SPECC1: variants seen among roughly 807,000 people sequenced by gnomAD.
SPECC1 encodes cytospin-B.
Under a neutral mutation model 104.1 loss-of-function variants are expected in SPECC1, and 62 were observed. The ratio of observed to expected loss-of-function variants is 0.60; its 90% CI spans 0.49 to 0.74. The LOEUF is 0.74. Ranked by LOEUF, SPECC1 falls within the 30% of genes least tolerant of loss-of-function variation. The pLI, the probability that SPECC1 is intolerant of heterozygous loss-of-function variation, is 0.00. For synonymous variants in SPECC1, 513 were observed against 501.6 expected, an observed-to-expected ratio of 1.02 and a Z score of -0.30; for missense variants, 1,306 against 1,310.5, an observed-to-expected ratio of 1.00 and a Z score of 0.05.
At chr17:20,278,649 A>G (rs2040654347) in intron 12 of SPECC1, among the ~76,000 whole-genome samples, 1 of 151,688 alleles carries the variant, frequency 6.6e-6, no homozygotes, top group African/African-American at 2.4e-5. Context: ...GGCTGCAGTG[A>G]GCTATGATTG....
intron 1 of SPECC1, among the ~76,000 whole-genome samples, chr17:20,015,421 C>T (rs926122222): frequency 2.6e-5 from 4 of 151,536 alleles, no homozygotes; most frequent in Admixed American, 6.6e-5. Flanking sequence ...CTGTGCCCAG[C>T]GGAAATGCTC....
chr17:20,181,549 A>G (rs916915162), intron 3 of SPECC1, among the ~76,000 whole-genome samples: 3 of 152,180 alleles, frequency 2.0e-5, no homozygotes, highest in Admixed American at 6.5e-5. Context: ...TCTAGAAAAA[A>G]TATAAAACCT....
At chr17:20,151,134 C>T (rs1174809971) in intron 3 of SPECC1, among the ~76,000 whole-genome samples, 3 of 152,164 alleles carry the variant, frequency 2.0e-5, no homozygotes, top group Admixed American at 6.5e-5. Flanking sequence ...TATAGAAATA[C>T]AGTAATTTAG....
intron 1 of SPECC1, among the ~76,000 whole-genome samples, chr17:20,090,972 C>T (rs921129063): frequency 6.6e-6 from 1 of 152,198 alleles, no homozygotes; most frequent in Non-Finnish European, 1.5e-5. Flanking sequence ...GGGTCTTCAC[C>T]TTCTGGCAGG....
Position 20,297,884 on chromosome 17 carries a change from C to T in SPECC1, c.3057+807C>T, listed in dbSNP as rs144472754. On this transcript the variant is annotated intron_variant, in intron 13 of 14. Coordinates refer to ENST00000395527, the MANE Select transcript of SPECC1 (RefSeq NM_001243439.2). ...ATAAGAAAACAGGCAACAATAGAGACGTTCTATGCCCTCATGAGCTAGACA... is the reference window on the plus strand; with the variant it reads ...ATAAGAAAACAGGCAACAATAGAGATGTTCTATGCCCTCATGAGCTAGACA... Among the ~76,000 whole-genome samples, 38 of 152,304 alleles carry T rather than the reference C, an allele frequency of 2.5e-4. No homozygotes were observed. In the East Asian group the frequency reaches 4.6e-3, roughly 19 times the overall value.
At chr17:20,207,975 A>G (rs2036893159) in intron 4 of SPECC1, among the ~76,000 whole-genome samples, 1 of 151,958 alleles carries the variant, frequency 6.6e-6, no homozygotes, top group African/African-American at 2.4e-5. Flanking sequence ...TTCTTTGTTC[A>G]TTTAACTTTT....
chr17:20,267,140 A>G (rs1489471647), intron 12 of SPECC1, among the ~76,000 whole-genome samples: 1 of 152,022 alleles, frequency 6.6e-6, no homozygotes, highest in African/African-American at 2.4e-5. Context: ...TGGCGCTCCT[A>G]GGAGGCCCTT....
chr17:20,069,851 A>G (rs148107895), intron 1 of SPECC1, among the ~76,000 whole-genome samples: 211 of 152,148 alleles, frequency 1.4e-3, no homozygotes, highest in African/African-American at 4.1e-3. Context: ...ATAGTTAAAC[A>G]TAAATATTTT....
intron 1 of SPECC1, among the ~76,000 whole-genome samples, chr17:20,055,471 A>G (rs1230899401): frequency 6.6e-6 from 1 of 152,104 alleles, no homozygotes; most frequent in Non-Finnish European, 1.5e-5. Flanking sequence ...CATCCTCACC[A>G]ATACTTGCTG....
At chr17:20,266,904 C>G (rs1210588686) in intron 12 of SPECC1, among the ~76,000 whole-genome samples, 1 of 152,062 alleles carries the variant, frequency 6.6e-6, no homozygotes, top group Non-Finnish European at 1.5e-5. Flanking sequence ...TGTGGAGGGT[C>G]AGAGTAAGGA....
chr17:20,095,656 A>G (rs2047611518), intron 1 of SPECC1: 1 of 152,244 alleles, frequency 6.6e-6, no homozygotes, highest in African/African-American at 2.4e-5. Flanking sequence ...CCCCGGGGGC[A>G]GTTAGTGAGA....
intron 5 of SPECC1, among the ~76,000 whole-genome samples, chr17:20,230,605 G>C (rs2038512451): frequency 6.6e-6 from 1 of 152,214 alleles, no homozygotes; most frequent in South Asian, 2.1e-4. Context: ...AAGAAAACCA[G>C]TGTATAATTA....
intron 10 of SPECC1, among the ~76,000 whole-genome samples, chr17:20,254,259 T>A (rs746051431): frequency 2.0e-5 from 3 of 151,648 alleles, no homozygotes; most frequent in Non-Finnish European, 2.9e-5. Flanking sequence ...TCCATCACAT[T>A]TGCGTGGCGT....
intron 13 of SPECC1, among the ~76,000 whole-genome samples, chr17:20,300,214 T>C (rs2041522190): frequency 6.6e-6 from 1 of 151,972 alleles, no homozygotes; most frequent in East Asian, 1.9e-4. Flanking sequence ...CCAGTGTTTG[T>C]TGTGGAGGTA....
intron 3 of SPECC1, among the ~76,000 whole-genome samples, chr17:20,167,934 A>C (rs536275689): frequency 1.3e-5 from 2 of 152,218 alleles, no homozygotes; most frequent in Non-Finnish European, 2.9e-5. Flanking sequence ...GCTTAGGATC[A>C]GGTTAAGTCA....
At chr17:20,111,705 G>C (rs929144847) in intron 3 of SPECC1, 3 of 618,536 alleles carry the variant, frequency 4.9e-6, no homozygotes, top group Admixed American at 2.4e-5. Flanking sequence ...CAGGAAGGTG[G>C]CGAAAGGAGG....
intron 3 of SPECC1, among the ~76,000 whole-genome samples, chr17:20,194,442 G>C (rs1212943039): frequency 6.7e-6 from 1 of 149,524 alleles, no homozygotes; most frequent in East Asian, 2.0e-4. Context: ...CACCATTCCA[G>C]TCAAAACCTT....
Position 20,112,241 on chromosome 17 carries a change from A to C in SPECC1, c.283+1679A>C, listed in dbSNP as rs377631369. The C allele has an allele frequency of 1.3e-4, 100 of 763,506 alleles. No homozygotes were observed. In the African/African-American group the frequency reaches 1.5e-3, roughly 12 times the overall value. 47.3% of individuals were successfully genotyped at this position (763,506 alleles called of 1,614,324 possible). A position where few individuals can be genotyped will look rare whatever the true frequency, so the allele number is the denominator to read the frequency against. ...ACAGAGGAGCTTTCTTAATTGACCGAAGTCCTGAGTACTTTGAACCCATTT... is the reference window on the plus strand; with the variant it reads ...ACAGAGGAGCTTTCTTAATTGACCGCAGTCCTGAGTACTTTGAACCCATTT... On this transcript the variant is annotated intron_variant, in intron 3 of 14. Coordinates refer to ENST00000395527, the MANE Select transcript of SPECC1 (RefSeq NM_001243439.2).
intron 13 of SPECC1, among the ~76,000 whole-genome samples, chr17:20,299,395 A>C (rs905931887): frequency 3.3e-5 from 5 of 151,520 alleles, no homozygotes; most frequent in Non-Finnish European, 5.9e-5. Context: ...TTTCTACAAA[A>C]AAAATTTTTT....
Sources: allele counts gnomAD v4.1 joint callset (sites outside exome capture counted in the v4.1 genomes callset), GRCh38; gene constraint gnomAD v4.1.1; transcripts MANE v1.5; gene names NCBI Gene and HGNC (gene_info 2026-07-23, HGNC 2026-07-21).